Variants in PFKP observed in about 807,000 individuals in gnomAD.
PFKP encodes phosphofructokinase, platelet.
A neutral mutation model predicts 94.3 loss-of-function variants in PFKP; 101 were observed. That is an observed-to-expected ratio of 1.07 (90% CI 0.91 to 1.26). The LOEUF is 1.26. PFKP is among the 50% of genes most tolerant of loss of function. PFKP has a pLI of 0.00. For synonymous variants in PFKP, 573 were observed against 432.6 expected (o/e 1.32, Z -4.03); for missense variants, 1,145 against 1,103.3 (o/e 1.04, Z -0.53).
intron 2 of PFKP, among the ~76,000 whole-genome samples, chr10:3,091,336 G>A (rs534207513): frequency 6.6e-6 from 1 of 152,174 alleles, no homozygotes; most frequent in South Asian, 2.1e-4. Context: ...AACTACCCTG[G>A]CTCTGGTGGG....
chr10:3,119,733 G>C (rs1013252651), intron 15 of PFKP, among the ~76,000 whole-genome samples, 159 bp from the exon 16 acceptor site: 1 of 152,056 alleles, frequency 6.6e-6, no homozygotes, highest in Non-Finnish European at 1.5e-5. Flanking sequence ...CCTTGTCTGT[G>C]GTCTTAAGGC....
At chr10:3,081,269 T>A (rs537931006) in intron 1 of PFKP, among the ~76,000 whole-genome samples, 1 of 152,350 alleles carries the variant, frequency 6.6e-6, no homozygotes, top group Admixed American at 6.5e-5. Flanking sequence ...TTGAAGATTT[T>A]TCTAAGCATC....
chr10:3,113,695 C>G (rs1836502467), intron 13 of PFKP, among the ~76,000 whole-genome samples, 177 bp downstream of exon 13: 1 of 148,534 alleles, frequency 6.7e-6, no homozygotes, highest in Non-Finnish European at 1.5e-5. Context: ...AGGTAGGTTT[C>G]AGGCCCTCAG....
chr10:3,108,907 C>A, intron 9 of PFKP, 114 bp downstream of exon 9: 2 of 773,008 alleles, frequency 2.6e-6, no homozygotes, highest in East Asian at 2.5e-5. Context: ...GAGAGATGCC[C>A]GCGGCCCGGC....
chr10:3,104,413 T>C (rs1835340384), intron 5 of PFKP, among the ~76,000 whole-genome samples: 3 of 152,300 alleles, frequency 2.0e-5, no homozygotes, highest in African/African-American at 7.2e-5. Context: ...CACCGTACAA[T>C]TTCTGAAGCA....
chr10:3,097,509 T>C (rs10903963), intron 2 of PFKP, among the ~76,000 whole-genome samples: 137,001 of 152,064 alleles, frequency 0.9, 61,982 homozygotes, highest in Non-Finnish European at 0.94. Context: ...GAAGATGTTC[T>C]GCTGTTTTGC....
chr10:3,116,919 C>T (rs1437354604), intron 14 of PFKP, 73 bp downstream of exon 14: 20 of 1,192,674 alleles, frequency 1.7e-5, no homozygotes, highest in Admixed American at 3.4e-5. Flanking sequence ...GAGAGAATCG[C>T]TGGGTGCCGA....
At chr10:3,119,107 G>A (rs1588525866) in intron 15 of PFKP, among the ~76,000 whole-genome samples, 1 of 144,006 alleles carries the variant, frequency 6.9e-6, no homozygotes, top group Admixed American at 7.3e-5. Flanking sequence ...CTTAACCCGG[G>A]CCTCATCTAT....
At chr10:3,125,117 C>T (rs781578730) in intron 16 of PFKP, 6 of 1,321,796 alleles carry the variant, frequency 4.5e-6, no homozygotes, top group African/African-American at 1.5e-5. Context: ...GTGCGTGCGA[C>T]ATGGCCGAGG....
At position 3,105,469 on chromosome 10, in the gene PFKP, TG is replaced by T. The variant is rs1480205875; in HGVS notation, c.745del (p.Glu249ArgfsTer18). 1 of 1,613,754 alleles carries T rather than the reference TG, an allele frequency of 6.2e-7. No homozygotes were observed. Among genetic ancestry groups the T allele is most frequent in the Non-Finnish European group, 8.5e-7 (1 of 1,179,850 alleles). On this transcript the variant is annotated frameshift_variant, in exon 7 of 22. Coordinates refer to ENST00000381125, the MANE Select transcript of PFKP (RefSeq NM_002627.5). LOFTEE classifies it high-confidence loss of function. Reference sequence around the variant, plus strand: ...TCCAGAATCTCCACCAGAGGAAGGCTGGGAGGAGCAGATGTGTGTCAAACTC... The same window carrying T: ...TCCAGAATCTCCACCAGAGGAAGGCTGGAGGAGCAGATGTGTGTCAAACTC... ...FLPESPPEEG[W>X]EEQMCVKLSE...
At chr10:3,086,391 T>C (rs901496378) in intron 2 of PFKP, among the ~76,000 whole-genome samples, 13 of 152,258 alleles carry the variant, frequency 8.5e-5, no homozygotes, top group African/African-American at 2.7e-4. Flanking sequence ...CCACTCAGCA[T>C]GTTCAGGGCC....
At chr10:3,084,696 T>TCCTCCAGCCCCTCCCCAGGAGAGC (rs1833354105) in intron 2 of PFKP, among the ~76,000 whole-genome samples, 3 of 65,622 alleles carry the variant, frequency 4.6e-5, no homozygotes, top group African/African-American at 1.6e-4. Flanking sequence ...TCCAGCACAG[T>TCCTCCAGCCCCTCCCCAGGAGAGC]CCTCCAGCCC....
chr10:3,128,628 T>TACGCC lies in PFKP; in HGVS notation c.1684-1191_1684-1190insACGCC, dbSNP rs368807353. On this transcript the variant is annotated intron_variant, in intron 16 of 21. Coordinates refer to ENST00000381125, the MANE Select transcript of PFKP (RefSeq NM_002627.5). ...GGCCTTGCACGCCTTGTACGCCTTG[T>TACGCC]TCCCTGGCGCCTCCTCCTTCCATGT... Among the ~76,000 whole-genome samples, 277 of 152,324 alleles carry TACGCC rather than the reference T, an allele frequency of 1.8e-3. 1 individual carries two copies. The highest frequency in any genetic ancestry group is 5.9e-3 in the African/African-American group (247 of 41,582).
chr10:3,072,267 G>T (rs2131374263), intron 1 of PFKP, among the ~76,000 whole-genome samples: 1 of 152,350 alleles, frequency 6.6e-6, no homozygotes, highest in African/African-American at 2.4e-5. Context: ...GAAGTGTGAG[G>T]TTTCCATTGG....
chr10:3,104,063 C>G lies in PFKP; in HGVS notation c.620+119C>G, dbSNP rs74472918. On this transcript the variant is annotated intron_variant, in intron 5 of 21. Transcript: ENST00000381125. Reference sequence around the variant, plus strand: ...GGGTGTCCTGGTGCTGGTCTCGTAACTTGACTTTTAGGAGCTATTGCCAGA... The same window carrying G: ...GGGTGTCCTGGTGCTGGTCTCGTAAGTTGACTTTTAGGAGCTATTGCCAGA... The G allele has an allele frequency of 2.0e-3, 1,750 of 887,442 alleles. 14 individuals carry two copies. In the African/African-American group the frequency reaches 0.026, roughly 13 times the overall value. 55.0% of individuals were successfully genotyped at this position (887,442 alleles called of 1,614,324 possible).
intron 2 of PFKP, among the ~76,000 whole-genome samples, chr10:3,098,311 C>A (rs191903808): frequency 6.6e-6 from 1 of 152,098 alleles, no homozygotes; most frequent in Non-Finnish European, 1.5e-5. Flanking sequence ...TGAAGTTACC[C>A]GTGGGCATTG....
chr10:3,077,527 A>G (rs1210241525), intron 1 of PFKP, among the ~76,000 whole-genome samples: 1 of 151,808 alleles, frequency 6.6e-6, no homozygotes, highest in Non-Finnish European at 1.5e-5. Context: ...TGGCCTCCCA[A>G]AGTGCTGGGA....
chr10:3,094,334 C>T (rs1834312998), intron 2 of PFKP, among the ~76,000 whole-genome samples: 1 of 152,160 alleles, frequency 6.6e-6, no homozygotes, highest in Non-Finnish European at 1.5e-5. Context: ...CATGCTGTTG[C>T]ATTATTGGTC....
chr10:3,136,640 GTTATT>G lies in PFKP; in HGVS notation c.*66_*70del, dbSNP rs1295376870. On this transcript the variant is annotated 3_prime_UTR_variant, in exon 22 of 22. Coordinates refer to ENST00000381125, the MANE Select transcript of PFKP (RefSeq NM_002627.5). ...GACTGTCTGTTTTTGTAACACTTAA[GTTATT>G]TTATCAGCACTTTATGCACGTATTA... 45 of 1,569,258 alleles carry G rather than the reference GTTATT, an allele frequency of 2.9e-5. No individual in the cohort carries two copies. The highest frequency in any genetic ancestry group is 1.7e-4 in the Middle Eastern group (1 of 5,866).
Sources: gnomAD v4.1 joint callset for allele counts (sites outside exome capture counted in the v4.1 genomes callset) on GRCh38, gnomAD v4.1.1 for gene constraint, MANE v1.5 for transcripts, NCBI Gene and HGNC (gene_info 2026-07-23, HGNC 2026-07-21) for gene names.